Variants in FAM53B observed in about 807,000 individuals in gnomAD.
The protein encoded by FAM53B is protein FAM53B.
In FAM53B, 12 loss-of-function variants were observed where a neutral mutation model predicts 32.7. The ratio of observed to expected loss-of-function variants is 0.37; its 90% CI spans 0.24 to 0.59. The LOEUF (loss-of-function observed/expected upper bound fraction) is 0.59. Ranked by LOEUF, FAM53B falls within the 20% of genes least tolerant of loss-of-function variation. The pLI is 0.72. For synonymous variants in FAM53B, 234 were observed against 228.7 expected, an observed-to-expected ratio of 1.02 and a Z score of -0.21; for missense variants, 477 against 577.7, an observed-to-expected ratio of 0.83 and a Z score of 1.79.
intron 4 of FAM53B, among the ~76,000 whole-genome samples, chr10:124,650,290 C>T (rs1949548130): frequency 6.6e-6 from 1 of 152,190 alleles, no homozygotes; most frequent in Admixed American, 6.5e-5. Context: ...CCCAGGTCAT[C>T]GCGGGACAGG....
chr10:124,693,859 G>A (rs1949851040), intron 3 of FAM53B, among the ~76,000 whole-genome samples: 1 of 152,208 alleles, frequency 6.6e-6, no homozygotes, highest in African/African-American at 2.4e-5. Context: ...CTCCCTGAGA[G>A]AAGGGGCAGG....
At chr10:124,625,493 G>C (rs913688784) in intron 4 of FAM53B, among the ~76,000 whole-genome samples, 4 of 152,168 alleles carry the variant, frequency 2.6e-5, no homozygotes, top group Non-Finnish European at 5.9e-5. Context: ...CCACGGCAGA[G>C]AGCTGGAGAC....
chr10:124,696,105 C>T, intron 3 of FAM53B, 53 bp downstream of exon 3: 5 of 1,485,486 alleles, frequency 3.4e-6, no homozygotes, highest in Non-Finnish European at 4.7e-6. Context: ...AGGACTCAGA[C>T]CCTGGCTGGA....
intron 4 of FAM53B, among the ~76,000 whole-genome samples, chr10:124,625,792 G>T (rs1949344492): frequency 6.6e-6 from 1 of 152,196 alleles, no homozygotes. Flanking sequence ...GCCCAGCCTG[G>T]GTGGCCTCAG....
At position 124,724,317 on chromosome 10, in the gene FAM53B, G is replaced by C. The variant is rs558717732; in HGVS notation, c.-174-17430C>G. On this transcript the variant is annotated intron_variant, in intron 1 of 4. Transcript: ENST00000337318. ...GCTGGGAGTGGAGGGCCCCTTCCCA[G>C]CTTTTGGTGGAAGGAGCCTCAGGAT... is the stretch of plus-strand genomic sequence containing the variant. 5.3e-5 allele frequency among the ~76,000 whole-genome samples: 8 copies of C among 152,282 alleles called. No individual in the cohort carries two copies. The East Asian group carries it at 1.5e-3, about 29-fold the overall frequency.
intron 1 of FAM53B, among the ~76,000 whole-genome samples, chr10:124,740,030 A>G (rs1233468270): frequency 6.6e-6 from 1 of 152,198 alleles, no homozygotes; most frequent in Non-Finnish European, 1.5e-5. Flanking sequence ...AGTATCTCCA[A>G]TCACTGTGAG....
At chr10:124,684,243 G>A (rs563698145) in intron 3 of FAM53B, among the ~76,000 whole-genome samples, 10 of 152,344 alleles carry the variant, frequency 6.6e-5, no homozygotes, top group Admixed American at 5.2e-4. Flanking sequence ...CAAGACTGTC[G>A]CTAAACATCC....
chr10:124,696,019 T>G, intron 3 of FAM53B, 139 bp downstream of exon 3: 1 of 712,782 alleles, frequency 1.4e-6, no homozygotes, highest in South Asian at 1.7e-5. Context: ...ACCAAAATAG[T>G]TAAAACACAC....
chr10:124,637,875 T>G (rs544748664), intron 4 of FAM53B, among the ~76,000 whole-genome samples: 1 of 152,222 alleles, frequency 6.6e-6, no homozygotes, highest in Non-Finnish European at 1.5e-5. Context: ...CCCAGCCCTA[T>G]CAAAGCCTCC....
chr10:124,717,385 G>A (rs1051894561), intron 1 of FAM53B, among the ~76,000 whole-genome samples: 7 of 152,220 alleles, frequency 4.6e-5, no homozygotes, highest in Non-Finnish European at 1.0e-4. Context: ...TAGATTTGAA[G>A]GTACTGAATG....
chr10:124,694,342 C>T lies in FAM53B; in HGVS notation c.133+1816G>A, dbSNP rs548210544. The stretch of plus-strand genomic sequence containing the variant: ...AAAGCAGGTTGCTGGGCTCTGCAGC[C>T]TCCGATAGACTCTCCTGGGCCATCT... On this transcript the variant is annotated intron_variant, in intron 3 of 4. Transcript: ENST00000337318. 2.8e-3 allele frequency among the ~76,000 whole-genome samples: 423 copies of T among 152,368 alleles called. 2 individuals are homozygous for T. Among genetic ancestry groups the T allele is most frequent in the African/African-American group, 9.9e-3 (411 of 41,580 alleles).
intron 2 of FAM53B, among the ~76,000 whole-genome samples, chr10:124,699,662 A>T (rs1463832098): frequency 3.3e-5 from 5 of 152,200 alleles, no homozygotes; most frequent in Non-Finnish European, 7.3e-5. Flanking sequence ...CTGAATTGGG[A>T]TACCTTCATC....
At chr10:124,659,499 G>C (rs950411364) in intron 4 of FAM53B, among the ~76,000 whole-genome samples, 35 of 152,360 alleles carry the variant, frequency 2.3e-4, no homozygotes, top group Non-Finnish European at 3.5e-4. Flanking sequence ...CCACGCAACA[G>C]CCTCCTGGCT....
chr10:124,686,899 T>C (rs181093264), intron 3 of FAM53B, among the ~76,000 whole-genome samples: 99 of 152,356 alleles, frequency 6.5e-4, no homozygotes, highest in African/African-American at 2.3e-3. Flanking sequence ...CTGGGCCATG[T>C]GGCCATGTGT....
chr10:124,633,660 T>C (rs908548187), intron 4 of FAM53B, among the ~76,000 whole-genome samples: 2 of 152,150 alleles, frequency 1.3e-5, no homozygotes, highest in South Asian at 2.1e-4. Context: ...GTTTGGTATA[T>C]GATAAGGGTA....
chr10:124,627,899 G>GA (rs1949365753), intron 4 of FAM53B, among the ~76,000 whole-genome samples: 2 of 139,308 alleles, frequency 1.4e-5, no homozygotes, highest in Non-Finnish European at 3.3e-5. Flanking sequence ...ACTTTCTCCT[G>GA]AGTCCACGGG....
rs542716989 is a variant in FAM53B at position 124,693,454 on chromosome 10, G to T, written c.133+2704C>A. Among the ~76,000 whole-genome samples, 108 of 148,984 alleles carry T rather than the reference G, an allele frequency of 7.2e-4. 3 individuals carry two copies. In the South Asian group the frequency reaches 0.022, roughly 31 times the overall value. ...CACTGCCCTCCAGCCTGGCGACAGT[G>T]AGACTCTGTCTCAAAAAAAAAAAAA... On this transcript the variant is annotated intron_variant, in intron 3 of 4. Transcript: ENST00000337318.
intron 4 of FAM53B, among the ~76,000 whole-genome samples, chr10:124,639,989 C>T (rs1949460135): frequency 6.6e-6 from 1 of 152,002 alleles, no homozygotes; most frequent in African/African-American, 2.4e-5. Flanking sequence ...CCACCCTTAA[C>T]CACCACGCTG....
At chr10:124,636,225 G>A (rs1949430797) in intron 4 of FAM53B, among the ~76,000 whole-genome samples, 1 of 152,082 alleles carries the variant, frequency 6.6e-6, no homozygotes, top group South Asian at 2.1e-4. Context: ...AAAATCTCTC[G>A]ATGTTTCTCT....
Sources: gnomAD v4.1 joint callset for allele counts (sites outside exome capture counted in the v4.1 genomes callset) on GRCh38, gnomAD v4.1.1 for gene constraint, MANE v1.5 for transcripts, NCBI Gene and HGNC (gene_info 2026-07-23, HGNC 2026-07-21) for gene names.